The following MRPL48 variants were observed in gnomAD, a reference collection of about 807,000 sequenced individuals.
The protein encoded by MRPL48 is mitochondrial ribosomal protein L48, also known as large ribosomal subunit protein mL48.
In MRPL48, 16 loss-of-function variants were observed where a neutral mutation model predicts 32.9. The ratio of observed to expected loss-of-function variants is 0.49; its 90% confidence interval spans 0.33 to 0.74. MRPL48 has a LOEUF of 0.74. MRPL48 is among the 30% of genes least tolerant of loss of function. The pLI is 0.02. For missense variants in MRPL48, 206 were observed against 245.3 expected (o/e 0.84, Z 1.07); for synonymous variants, 94 against 89.2 (o/e 1.05, Z -0.31).
intron 4 of MRPL48, among the ~76,000 whole-genome samples, chr11:73,826,696 T>A (rs1236201885): frequency 6.6e-6 from 1 of 152,030 alleles, no homozygotes; most frequent in Non-Finnish European, 1.5e-5. Flanking sequence ...CCAGCCCAGG[T>A]CTTGAACTCC....
intron 5 of MRPL48, chr11:73,851,272 G>A: frequency 3.7e-6 from 1 of 270,464 alleles, no homozygotes. Context: ...TTTAACAGAT[G>A]TGGAAATCAA....
chr11:73,823,048 G>T (rs1263541361), intron 3 of MRPL48: 1 of 449,044 alleles, frequency 2.2e-6, no homozygotes, highest in Non-Finnish European at 4.5e-6. Flanking sequence ...CAAGCTCAGG[G>T]CTTCCACTGA....
chr11:73,834,939 C>T (rs896554945), intron 4 of MRPL48, among the ~76,000 whole-genome samples: 1 of 151,842 alleles, frequency 6.6e-6, no homozygotes, highest in African/African-American at 2.4e-5. Flanking sequence ...TTAAGCGATC[C>T]CCCAGCCTCA....
chr11:73,805,008 C>T lies in MRPL48; in HGVS notation c.22-19C>T. 1 of 1,581,844 alleles carries T rather than the reference C, an allele frequency of 6.3e-7. No individual in the cohort carries two copies. Among genetic ancestry groups the T allele is most frequent in the Non-Finnish European group, 8.6e-7 (1 of 1,162,492 alleles). ...CTATAAATGCTTAAGATTGTCCTAA[C>T]ATGGCTGTTTTGCTGTAGGTGCTGT... On this transcript the variant is annotated intron_variant, in intron 1 of 7. Transcript: ENST00000310614.
At chr11:73,829,829 A>G (rs1055707444) in intron 4 of MRPL48, among the ~76,000 whole-genome samples, 5 of 152,168 alleles carry the variant, frequency 3.3e-5, no homozygotes, top group South Asian at 2.1e-4. Flanking sequence ...CAGTGGTGCA[A>G]TCTCAGCTCA....
chr11:73,853,648 T>C (rs1948436801), intron 5 of MRPL48, among the ~76,000 whole-genome samples: 2 of 151,156 alleles, frequency 1.3e-5, no homozygotes, highest in Non-Finnish European at 2.9e-5. Context: ...TTAAGAACTT[T>C]TTTTTCAGCT....
intron 5 of MRPL48, among the ~76,000 whole-genome samples, chr11:73,857,883 G>C (rs543564011): frequency 1.3e-5 from 2 of 151,670 alleles, no homozygotes; most frequent in African/African-American, 4.8e-5. Flanking sequence ...TTGAGCCACC[G>C]CATGCATAGA....
chr11:73,805,953 A>G (rs1245260811), intron 2 of MRPL48, among the ~76,000 whole-genome samples: 1 of 151,918 alleles, frequency 6.6e-6, no homozygotes, highest in African/African-American at 2.4e-5. Context: ...ACCTAGAACC[A>G]TTTCTTTCTC....
At chr11:73,824,700 C>T (rs903993292) in intron 3 of MRPL48, among the ~76,000 whole-genome samples, 4 of 151,648 alleles carry the variant, frequency 2.6e-5, no homozygotes, top group African/African-American at 9.7e-5. Context: ...AAAGGGAAGG[C>T]GAAAGGATTT....
chr11:73,830,368 C>G (rs1590972431), intron 4 of MRPL48, among the ~76,000 whole-genome samples: 1 of 152,162 alleles, frequency 6.6e-6, no homozygotes, highest in South Asian at 2.1e-4. Flanking sequence ...ATTCAGTGTC[C>G]CAGGGTGGCT....
intron 4 of MRPL48, chr11:73,832,402 C>T (rs1032569523): frequency 5.3e-5 from 8 of 152,188 alleles, no homozygotes; most frequent in Non-Finnish European, 7.3e-5. Context: ...GGAATCATTC[C>T]CAGATAAATC....
intron 3 of MRPL48, among the ~76,000 whole-genome samples, chr11:73,814,031 ACT>A (rs1399300221): frequency 1.6e-4 from 22 of 141,732 alleles, no homozygotes; most frequent in African/African-American, 5.6e-4. Flanking sequence ...ACAGAGTGAG[ACT>A]CTGTCTCAAA....
At chr11:73,848,714 G>T (rs1948338791) in intron 5 of MRPL48, among the ~76,000 whole-genome samples, 1 of 151,934 alleles carries the variant, frequency 6.6e-6, no homozygotes, top group African/African-American at 2.4e-5. Flanking sequence ...CTCCAGTCTG[G>T]GCTCTTTACA....
At chr11:73,789,200 T>A (rs1565396140) in intron 1 of MRPL48, 1 of 152,202 alleles carries the variant, frequency 6.6e-6, no homozygotes, top group Non-Finnish European at 1.5e-5. Context: ...AAAATTCCAT[T>A]GTTAAAGATG....
intron 3 of MRPL48, among the ~76,000 whole-genome samples, chr11:73,820,016 A>G (rs1718004253): frequency 1.3e-5 from 2 of 152,226 alleles, no homozygotes; most frequent in Non-Finnish European, 2.9e-5. Context: ...CAAGGACGGA[A>G]TAGAGGAGAG....
chr11:73,826,426 G>C (rs1295403331), intron 4 of MRPL48, among the ~76,000 whole-genome samples: 1 of 152,152 alleles, frequency 6.6e-6, no homozygotes, highest in Non-Finnish European at 1.5e-5. Context: ...GAGTGAATGA[G>C]TTGTGGCAAG....
chr11:73,837,705 A>G (rs991531496), intron 4 of MRPL48, among the ~76,000 whole-genome samples: 8 of 152,212 alleles, frequency 5.3e-5, no homozygotes, highest in African/African-American at 1.9e-4. Context: ...AGGAGTGCCA[A>G]CGTTTGATGA....
intron 5 of MRPL48, among the ~76,000 whole-genome samples, chr11:73,858,257 C>T (rs372549755): frequency 6.4e-4 from 98 of 152,320 alleles, no homozygotes; most frequent in African/African-American, 2.2e-3. Context: ...TTTAGAAAGA[C>T]TACCTGAAAG....
chr11:73,863,366 T>A (rs892757988), intron 7 of MRPL48, 105 bp downstream of exon 7: 24 of 926,088 alleles, frequency 2.6e-5, no homozygotes, highest in Non-Finnish European at 3.9e-5. Flanking sequence ...GAAATGTGGA[T>A]AATGTGACCT....
Sources: allele counts gnomAD v4.1 joint callset (sites outside exome capture counted in the v4.1 genomes callset), GRCh38; gene constraint gnomAD v4.1.1; transcripts MANE v1.5; gene names NCBI Gene and HGNC (gene_info 2026-07-23, HGNC 2026-07-21).